The following FER variants were observed in gnomAD, a reference collection of about 807,000 sequenced individuals.
The protein encoded by FER is FER tyrosine kinase.
In FER, 63 loss-of-function variants were observed where a neutral mutation model predicts 111.0. That is an observed-to-expected ratio of 0.57 (90% confidence interval 0.46 to 0.70). The LOEUF is 0.70. Among genes scored for constraint, FER ranks in the 30% least tolerant of loss-of-function variants. FER has a pLI of 0.00. For missense variants in FER, 914 were observed against 954.0 expected (o/e 0.96, Z 0.55); for synonymous variants, 327 against 313.9 (o/e 1.04, Z -0.44).
chr5:108,980,396 A>G (rs956360363), intron 13 of FER, among the ~76,000 whole-genome samples: 3 of 152,126 alleles, frequency 2.0e-5, no homozygotes, highest in Non-Finnish European at 2.9e-5. Flanking sequence ...AAGGTCTAAA[A>G]TTTTTGCATA....
intron 16 of FER, among the ~76,000 whole-genome samples, chr5:109,067,832 C>T (rs567868732): frequency 1.3e-5 from 2 of 152,164 alleles, no homozygotes; most frequent in African/African-American, 4.8e-5. Context: ...AGGTAGCATT[C>T]GATTTGAACT....
intron 17 of FER, among the ~76,000 whole-genome samples, chr5:109,161,789 A>T (rs193007475): frequency 6.6e-6 from 1 of 152,032 alleles, no homozygotes; most frequent in Non-Finnish European, 1.5e-5. Flanking sequence ...TGCAACCCCA[A>T]TGTGATTGCT....
chr5:108,940,648 T>G (rs1756128751), intron 10 of FER, among the ~76,000 whole-genome samples: 2 of 152,138 alleles, frequency 1.3e-5, no homozygotes, highest in South Asian at 4.2e-4. Context: ...ATGTGAAAGA[T>G]TAGAATCTAG....
intron 2 of FER, among the ~76,000 whole-genome samples, chr5:108,794,328 C>G (rs1174494147): frequency 6.6e-6 from 1 of 151,810 alleles, no homozygotes; most frequent in Non-Finnish European, 1.5e-5. Context: ...AGTGATTCTC[C>G]TGCTGCGGCC....
At chr5:109,061,935 A>T (rs1774464426) in intron 16 of FER, among the ~76,000 whole-genome samples, 1 of 152,172 alleles carries the variant, frequency 6.6e-6, no homozygotes, top group Non-Finnish European at 1.5e-5. Flanking sequence ...GTTTGAGAAG[A>T]TTATAAGCAT....
chr5:108,859,902 A>G (rs1259101406), intron 5 of FER, among the ~76,000 whole-genome samples: 1 of 147,602 alleles, frequency 6.8e-6, no homozygotes, highest in Admixed American at 6.7e-5. Context: ...TATTAAAAGT[A>G]GCAAGATATG....
chr5:109,055,851 C>CAA (rs373320956), intron 16 of FER, among the ~76,000 whole-genome samples: 5,705 of 92,262 alleles, frequency 0.062, 191 homozygotes, highest in Middle Eastern at 0.11. Context: ...AACATTGTCT[C>CAA]AAAAAAAAAA....
intron 16 of FER, among the ~76,000 whole-genome samples, chr5:109,077,634 T>A (rs1211686304): frequency 1.3e-5 from 2 of 152,190 alleles, no homozygotes; most frequent in African/African-American, 4.8e-5. Context: ...GTAGAACATG[T>A]ACTTGAGACC....
At chr5:109,109,691 T>C (rs1204996784) in intron 17 of FER, among the ~76,000 whole-genome samples, 1 of 152,020 alleles carries the variant, frequency 6.6e-6, no homozygotes, top group African/African-American at 2.4e-5. Context: ...CCCATACCAT[T>C]TTAAGATTAG....
chr5:108,954,771 C>T lies in FER; in HGVS notation c.1372C>T (p.Gln458Ter), dbSNP rs769262954. The T allele has an allele frequency of 1.9e-6, 3 of 1,609,912 alleles. No homozygotes were observed. The highest frequency in any genetic ancestry group is 2.5e-6 in the Non-Finnish European group (3 of 1,177,914). ...ISISEKPLAE[Q>*]DWYHGAIPRI... Reference sequence around the variant, plus strand: ...CATCAGTGAGAAGCCTTTGGCAGAACAGGACTGGTACCATGGTGCAATTCC... The same window carrying T: ...CATCAGTGAGAAGCCTTTGGCAGAATAGGACTGGTACCATGGTGCAATTCC... Residue 458 changes from glutamine to a stop codon, truncating the protein, a stop_gained, in exon 12 of 20, where the codon CAG (glutamine) becomes TAG (stop). Transcript: ENST00000281092. LOFTEE classifies it high-confidence loss of function.
intron 14 of FER, among the ~76,000 whole-genome samples, chr5:109,040,391 G>C (rs1770993303): frequency 6.6e-6 from 1 of 152,120 alleles, no homozygotes; most frequent in South Asian, 2.1e-4. Context: ...AGGTTGAAAA[G>C]AGCAGCCAAG....
intron 4 of FER, among the ~76,000 whole-genome samples, chr5:108,835,054 T>C (rs1202417261): frequency 6.6e-6 from 1 of 152,184 alleles, no homozygotes; most frequent in Non-Finnish European, 1.5e-5. Context: ...GTCAAGGACT[T>C]GCATTTGTTT....
intron 13 of FER, among the ~76,000 whole-genome samples, chr5:108,966,872 A>G (rs1472361813): frequency 6.6e-6 from 1 of 152,180 alleles, no homozygotes; most frequent in Non-Finnish European, 1.5e-5. Flanking sequence ...CATACACAGT[A>G]ACATTGAACA....
intron 10 of FER, among the ~76,000 whole-genome samples, chr5:108,938,049 C>G (rs889608977): frequency 6.7e-6 from 1 of 149,946 alleles, no homozygotes; most frequent in African/African-American, 2.4e-5. Flanking sequence ...CACACACACA[C>G]ACACACACAC....
chr5:108,915,061 G>T (rs1024670811), intron 10 of FER, among the ~76,000 whole-genome samples: 8 of 152,330 alleles, frequency 5.3e-5, no homozygotes, highest in Admixed American at 2.6e-4. Context: ...TCAGAAGTCA[G>T]TGAACAAAGG....
At chr5:108,994,537 G>C (rs1763749745) in intron 13 of FER, among the ~76,000 whole-genome samples, 1 of 152,082 alleles carries the variant, frequency 6.6e-6, no homozygotes, top group Non-Finnish European at 1.5e-5. Context: ...TTGAAGTTGG[G>C]TAGTATGATT....
Position 108,775,116 on chromosome 5 carries a change from C to T in FER, c.-60+6878C>T, listed in dbSNP as rs563044894. Among the ~76,000 whole-genome samples the T allele has an allele frequency of 3.7e-4, 56 of 152,180 alleles. No homozygotes were observed. In the South Asian group the frequency reaches 0.011, roughly 31 times the overall value. The stretch of plus-strand genomic sequence containing the variant: ...GTTTCAGTTTTCTGCATATGGCTAG[C>T]CAGTTTTCTCAGCACCATTTATTGA... On this transcript the variant is annotated intron_variant, in intron 2 of 19. Transcript: ENST00000281092.
chr5:108,770,052 G>A (rs987803514), intron 2 of FER, among the ~76,000 whole-genome samples: 11 of 152,164 alleles, frequency 7.2e-5, no homozygotes, highest in African/African-American at 2.2e-4. Context: ...GAGTTCAAGC[G>A]ATTCTCCTGC....
At chr5:108,989,657 T>TTCTAAACATTTTTGTA (rs1424313493) in intron 13 of FER, among the ~76,000 whole-genome samples, 1 of 151,988 alleles carries the variant, frequency 6.6e-6, no homozygotes, top group Non-Finnish European at 1.5e-5. Flanking sequence ...CATTAGGATT[T>TTCTAAACATTTTTGTA]TCTAAACATT....
Sources: gnomAD v4.1 joint callset for allele counts (sites outside exome capture counted in the v4.1 genomes callset) on GRCh38, gnomAD v4.1.1 for gene constraint, MANE v1.5 for transcripts, NCBI Gene and HGNC (gene_info 2026-07-23, HGNC 2026-07-21) for gene names.